Variants in MYO1D observed in about 807,000 individuals in gnomAD.
The protein encoded by MYO1D is myosin ID, also known as unconventional myosin-Id.
In MYO1D, 83 loss-of-function variants were observed where a neutral mutation model predicts 122.0. The ratio of observed to expected loss-of-function variants is 0.68; its 90% confidence interval spans 0.57 to 0.82. The LOEUF (loss-of-function observed/expected upper bound fraction) is 0.82, where lower values mean the gene tolerates loss of function less well. Ranked by LOEUF, MYO1D falls within the 40% of genes least tolerant of loss-of-function variation. MYO1D has a pLI of 0.00. For synonymous variants in MYO1D, 464 were observed against 446.9 expected (o/e 1.04, Z -0.48); for missense variants, 1,157 against 1,269.5 (o/e 0.91, Z 1.35).
chr17:32,802,164 C>G lies in MYO1D; in HGVS notation c.96-21380G>C, dbSNP rs369498461. Among the ~76,000 whole-genome samples the G allele has an allele frequency of 3.5e-4, 53 of 152,304 alleles. 1 individual carries two copies. In the South Asian group the frequency reaches 0.011, roughly 30 times the overall value. ...CCACAAATGAACAAACAGCTCAAGT[C>G]TGTGCTCTTCTGACAGTATGATCAT... On this transcript the variant is annotated intron_variant, in intron 1 of 21. Transcript: ENST00000318217.
intron 1 of MYO1D, among the ~76,000 whole-genome samples, chr17:32,813,818 C>T (rs1272238268): frequency 6.6e-6 from 1 of 152,144 alleles, no homozygotes; most frequent in Non-Finnish European, 1.5e-5. Flanking sequence ...TACACTAGAG[C>T]ATGGTGGTAG....
chr17:32,792,674 G>A (rs370460780), intron 1 of MYO1D: 27 of 152,136 alleles, frequency 1.8e-4, no homozygotes, highest in African/African-American at 4.3e-4. Context: ...ACAGGGTCTC[G>A]TTCTGTCACT....
At chr17:32,848,331 G>C (rs1169360509) in intron 1 of MYO1D, among the ~76,000 whole-genome samples, 1 of 152,176 alleles carries the variant, frequency 6.6e-6, no homozygotes, top group Non-Finnish European at 1.5e-5. Context: ...CGAAGAATTA[G>C]GGGAAAGGGG....
chr17:32,612,276 G>A (rs950349651), intron 20 of MYO1D, among the ~76,000 whole-genome samples: 5 of 152,066 alleles, frequency 3.3e-5, no homozygotes. Flanking sequence ...TTAAAGAGCT[G>A]GTTCTTTGAA....
At chr17:32,715,467 T>C (rs564084553) in intron 15 of MYO1D, among the ~76,000 whole-genome samples, 1 of 152,148 alleles carries the variant, frequency 6.6e-6, no homozygotes, top group South Asian at 2.1e-4. Flanking sequence ...CATGACAGCA[T>C]GCTCTCCTTC....
intron 21 of MYO1D, among the ~76,000 whole-genome samples, chr17:32,502,256 A>G (rs1909340927): frequency 6.6e-6 from 1 of 152,248 alleles, no homozygotes. Flanking sequence ...ACATGTTACA[A>G]CAAGATGAAC....
At chr17:32,815,795 C>G (rs2090608218) in intron 1 of MYO1D, among the ~76,000 whole-genome samples, 1 of 152,206 alleles carries the variant, frequency 6.6e-6, no homozygotes, top group Non-Finnish European at 1.5e-5. Context: ...TAAGTGATTA[C>G]CGTCTCTGCC....
chr17:32,729,785 C>T (rs1355859781), intron 14 of MYO1D, among the ~76,000 whole-genome samples: 1 of 152,134 alleles, frequency 6.6e-6, no homozygotes, highest in Non-Finnish European at 1.5e-5. Flanking sequence ...GTAGTTTGGT[C>T]TGGAATCCTG....
intron 1 of MYO1D, among the ~76,000 whole-genome samples, chr17:32,868,690 T>G (rs1357411870): frequency 6.6e-6 from 1 of 152,188 alleles, no homozygotes; most frequent in Non-Finnish European, 1.5e-5. Context: ...GCTGAACATG[T>G]GATTTCATCT....
chr17:32,831,648 C>A (rs561727483), intron 1 of MYO1D, among the ~76,000 whole-genome samples: 3 of 152,280 alleles, frequency 2.0e-5, no homozygotes, highest in African/African-American at 7.2e-5. Context: ...ATTATTGATG[C>A]AATACAAAGT....
chr17:32,869,838 T>G (rs1420667855), intron 1 of MYO1D, among the ~76,000 whole-genome samples: 1 of 151,304 alleles, frequency 6.6e-6, no homozygotes, highest in Non-Finnish European at 1.5e-5. Flanking sequence ...GAGGCTGAAG[T>G]AGGAGGGTTG....
chr17:32,714,197 A>G (rs946894931), intron 15 of MYO1D, among the ~76,000 whole-genome samples: 41 of 151,846 alleles, frequency 2.7e-4, no homozygotes, highest in Admixed American at 7.9e-4. Context: ...TCCATTAGCT[A>G]TTCTTCCTGA....
At chr17:32,714,234 C>T (rs2089414474) in intron 15 of MYO1D, among the ~76,000 whole-genome samples, 1 of 151,574 alleles carries the variant, frequency 6.6e-6, no homozygotes, top group Non-Finnish European at 1.5e-5. Flanking sequence ...ACCCCCACCC[C>T]AACAGGCCCC....
At chr17:32,856,023 A>T (rs1598158804) in intron 1 of MYO1D, among the ~76,000 whole-genome samples, 1 of 152,190 alleles carries the variant, frequency 6.6e-6, no homozygotes, top group Non-Finnish European at 1.5e-5. Flanking sequence ...CGAATTTTGC[A>T]GCTTTAAACA....
At chr17:32,745,360 A>G in intron 12 of MYO1D, 75 bp from the exon 13 acceptor site, 1 of 885,636 alleles carries the variant, frequency 1.1e-6, no homozygotes, top group Non-Finnish European at 1.8e-6. Context: ...CCAGGAGGCA[A>G]CAAGCCTTTC....
At chr17:32,669,490 CT>C (rs1350529453) in intron 16 of MYO1D, among the ~76,000 whole-genome samples, 11 of 152,318 alleles carry the variant, frequency 7.2e-5, no homozygotes, top group African/African-American at 2.6e-4. Flanking sequence ...GAGTCTACCA[CT>C]TCTTTAGGTT....
chr17:32,866,583 T>C (rs1193825062), intron 1 of MYO1D, among the ~76,000 whole-genome samples: 2 of 152,246 alleles, frequency 1.3e-5, no homozygotes, highest in Non-Finnish European at 2.9e-5. Context: ...TTAACCAGAC[T>C]GAGCAGATTT....
intron 21 of MYO1D, among the ~76,000 whole-genome samples, chr17:32,552,207 C>T (rs2087022182): frequency 6.6e-6 from 1 of 152,184 alleles, no homozygotes; most frequent in South Asian, 2.1e-4. Context: ...TCCTGAGTAG[C>T]TGGGACTAGA....
intron 3 of MYO1D, among the ~76,000 whole-genome samples, chr17:32,776,368 A>G (rs1447435711): frequency 2.0e-5 from 3 of 152,084 alleles, no homozygotes; most frequent in Admixed American, 6.5e-5. Context: ...GTGTATGTTC[A>G]CGTGTGTGTG....
Sources: gnomAD v4.1 joint callset for allele counts (sites outside exome capture counted in the v4.1 genomes callset) on GRCh38, gnomAD v4.1.1 for gene constraint, MANE v1.5 for transcripts, NCBI Gene and HGNC (gene_info 2026-07-23, HGNC 2026-07-21) for gene names.